The following ZNF407 variants were observed in gnomAD, a reference collection of about 807,000 sequenced individuals.
The protein encoded by ZNF407 is zinc finger protein 407.
Under a neutral mutation model 131.2 loss-of-function variants are expected in ZNF407, and 17 were observed. The observed-to-expected ratio is 0.13, with a 90% CI of 0.09 to 0.19. The LOEUF is 0.19. ZNF407 is among the 10% of genes least tolerant of loss of function. ZNF407 has a pLI of 1.00. For missense variants in ZNF407, 2,681 were observed against 2,830.6 expected, an observed-to-expected ratio of 0.95 and a Z score of 1.20; for synonymous variants, 1,156 against 1,062.0, an observed-to-expected ratio of 1.09 and a Z score of -1.72.
At chr18:74,852,195 A>G (rs1024011139) in intron 4 of ZNF407, among the ~76,000 whole-genome samples, 2,941 of 61,954 alleles carry the variant, frequency 0.047, 63 homozygotes, top group African/African-American at 0.11. Flanking sequence ...ACACACACAC[A>G]CACGCACGCA....
chr18:74,831,404 C>A (rs1970481323), intron 4 of ZNF407, among the ~76,000 whole-genome samples: 1 of 152,170 alleles, frequency 6.6e-6, no homozygotes, highest in South Asian at 2.1e-4. Flanking sequence ...ATCCTTTAAA[C>A]AGTAACTCTC....
intron 8 of ZNF407, among the ~76,000 whole-genome samples, chr18:75,028,202 C>CA (rs1401516529): frequency 6.6e-6 from 1 of 152,236 alleles, no homozygotes; most frequent in Non-Finnish European, 1.5e-5. Flanking sequence ...CGTAACAAAG[C>CA]ACCATGGGCT....
intron 4 of ZNF407, among the ~76,000 whole-genome samples, chr18:74,801,488 T>C (rs1172898014): frequency 6.6e-6 from 1 of 152,338 alleles, no homozygotes; most frequent in African/African-American, 2.4e-5. Context: ...AAATCATTTG[T>C]TGGATATTTA....
In ZNF407 at chr18:74,747,160, TTC is replaced by T. The variant is rs1491424566; in HGVS notation, c.4803-34267_4803-34266del. On this transcript the variant is annotated intron_variant, in intron 3 of 8. Transcript: ENST00000299687. ...GCTCACATTCGTTTCTAGTTTTTTT[TTC>T]ATTTAATTATGTAACTATTTCCTCA... 6.2e-3 allele frequency among the ~76,000 whole-genome samples: 301 copies of T among 48,924 alleles called. 1 individual carries two copies. Among genetic ancestry groups the T allele is most frequent in the Non-Finnish European group, 0.018 (181 of 10,066 alleles). 32.1% of individuals were successfully genotyped at this position (48,924 alleles called of 152,430 possible).
At chr18:74,779,211 G>T (rs1319799171) in intron 3 of ZNF407, among the ~76,000 whole-genome samples, 5 of 145,492 alleles carry the variant, frequency 3.4e-5, no homozygotes, top group Admixed American at 7.0e-5. Context: ...CGCCTCCCGG[G>T]TTCACGCCAT....
intron 8 of ZNF407, among the ~76,000 whole-genome samples, chr18:74,955,069 G>A (rs972290828): frequency 6.9e-6 from 1 of 145,768 alleles, no homozygotes; most frequent in East Asian, 2.0e-4. Context: ...ATCTCATGAA[G>A]TCAGTGTTTG....
In ZNF407 at chr18:75,048,187, G is replaced by A. The variant is rs1244966032; in HGVS notation, c.5429-14963G>A. Among the ~76,000 whole-genome samples, 3 of 152,140 alleles carry A rather than the reference G, an allele frequency of 2.0e-5. No homozygotes were observed. Among genetic ancestry groups the A allele is most frequent in the African/African-American group, 4.8e-5 (2 of 41,424 alleles). On this transcript the variant is annotated intron_variant, in intron 8 of 8. Transcript: ENST00000299687. This position sits in a 1 kb window ranked among gnomAD's most constrained non-coding sequence, Gnocchi z 4.1. ...GCACCAGGCCTGTGCCTCGTCTCCCGGTGACCTGTACAGACACCGCCCTTT... is the reference window on the plus strand; with the variant it reads ...GCACCAGGCCTGTGCCTCGTCTCCCAGTGACCTGTACAGACACCGCCCTTT...
chr18:74,785,982 G>A (rs1485537009), intron 4 of ZNF407, among the ~76,000 whole-genome samples: 1 of 152,160 alleles, frequency 6.6e-6, no homozygotes, highest in African/African-American at 2.4e-5. Flanking sequence ...TGCTTCACAG[G>A]GTTGTTTACA....
At chr18:75,020,041 A>T (rs1477129112) in intron 8 of ZNF407, among the ~76,000 whole-genome samples, 2 of 152,170 alleles carry the variant, frequency 1.3e-5, no homozygotes, top group Admixed American at 6.5e-5. Flanking sequence ...CATCCTGGTC[A>T]TCAGATTGAC....
At chr18:74,673,907 A>T (rs1986252841) in intron 3 of ZNF407, among the ~76,000 whole-genome samples, 1 of 152,222 alleles carries the variant, frequency 6.6e-6, no homozygotes, top group East Asian at 1.9e-4. Context: ...TACATATATC[A>T]TCAAAGCCCT....
chr18:74,828,132 G>T (rs1248354921), intron 4 of ZNF407, among the ~76,000 whole-genome samples: 2 of 152,134 alleles, frequency 1.3e-5, no homozygotes, highest in Non-Finnish European at 2.9e-5. Flanking sequence ...GCCTGTTCAG[G>T]TTGGCTTTGT....
At chr18:74,846,137 C>T (rs1465757556) in intron 4 of ZNF407, among the ~76,000 whole-genome samples, 16 of 152,106 alleles carry the variant, frequency 1.1e-4, no homozygotes, top group Admixed American at 5.9e-4. Flanking sequence ...GAAATGTGAA[C>T]ATTCAAAATG....
rs192523634 is a variant in ZNF407 at position 74,751,878 on chromosome 18, G to A, written c.4803-29550G>A. The stretch of plus-strand genomic sequence containing the variant: ...GCAAGCTGATTTATAATCCTTTGGG[G>A]ATATACCCAGTAATGGGATGGCTGG... On this transcript the variant is annotated intron_variant, in intron 3 of 8. Transcript: ENST00000299687. Among the ~76,000 whole-genome samples, 1,121 of 152,232 alleles carry A rather than the reference G, an allele frequency of 7.4e-3. 9 individuals carry two copies. The highest frequency in any genetic ancestry group is 0.026 in the African/African-American group (1,070 of 41,532).
intron 4 of ZNF407, among the ~76,000 whole-genome samples, chr18:74,799,672 C>T (rs1227109900): frequency 6.6e-6 from 1 of 151,966 alleles, no homozygotes; most frequent in Non-Finnish European, 1.5e-5. Flanking sequence ...AGTGGTAGTG[C>T]TTTTGTGCAT....
At chr18:74,960,902 A>G (rs1972334791) in intron 8 of ZNF407, among the ~76,000 whole-genome samples, 1 of 148,334 alleles carries the variant, frequency 6.7e-6, no homozygotes, top group Non-Finnish European at 1.5e-5. Flanking sequence ...GAAGGTCCTG[A>G]GTGTGGACTG....
At chr18:74,675,524 G>A (rs34132832) in intron 3 of ZNF407, among the ~76,000 whole-genome samples, 21,874 of 152,144 alleles carry the variant, frequency 0.14, 1,619 homozygotes, top group Non-Finnish European at 0.17. Flanking sequence ...AAAATAAGTA[G>A]TAGAGTCAAA....
rs149925490 is a variant in ZNF407, at chr18:74,833,191, A to G, written c.4878-44006A>G. On this transcript the variant is annotated intron_variant, in intron 4 of 8. Transcript: ENST00000299687. ...ATGGCCCACATTCTAACCACAAGAC[A>G]GAACAGCACAGTCTCTCTTAGCAGC... is the stretch of plus-strand genomic sequence containing the variant. 8.5e-5 allele frequency among the ~76,000 whole-genome samples: 13 copies of G among 152,362 alleles called. No homozygotes were observed. In the East Asian group the frequency reaches 2.3e-3, roughly 27 times the overall value.
At position 75,064,965 on chromosome 18, in the gene ZNF407, C is replaced by T. The variant is rs1599320907; in HGVS notation, c.*497C>T. ...TCTACTGGGCTAAAAATTGCAGCTACAAGTGTTACCATCTTGAAGCAGTCC... is the reference window on the plus strand; with the variant it reads ...TCTACTGGGCTAAAAATTGCAGCTATAAGTGTTACCATCTTGAAGCAGTCC... On this transcript the variant is annotated 3_prime_UTR_variant, in exon 9 of 9. Transcript: ENST00000299687. 6.5e-6 allele frequency: 1 copy of T among 153,062 alleles called. No individual in the cohort carries two copies. The highest frequency in any genetic ancestry group is 2.4e-5 in the African/African-American group (1 of 41,592). The allele number at this position is 153,062 out of a possible 1,614,324, so 9.5% of individuals were successfully genotyped here.
chr18:74,741,502 A>G (rs1209590664), intron 3 of ZNF407, among the ~76,000 whole-genome samples: 2 of 152,316 alleles, frequency 1.3e-5, no homozygotes, highest in African/African-American at 4.8e-5. Context: ...GCTAGAATCT[A>G]AATGATTTAT....
Sources: allele counts gnomAD v4.1 joint callset (sites outside exome capture counted in the v4.1 genomes callset), GRCh38; gene constraint gnomAD v4.1.1; non-coding constraint Gnocchi (gnomAD v3.1); transcripts MANE v1.5; gene names NCBI Gene and HGNC (gene_info 2026-07-23, HGNC 2026-07-21).